Variants in CLK2 observed in about 807,000 individuals in gnomAD.
CLK2 encodes the protein CDC like kinase 2, also known as dual specificity protein kinase CLK2.
A neutral mutation model predicts 73.5 loss-of-function variants in CLK2; 12 were observed. The observed-to-expected ratio is 0.16, with a 90% confidence interval of 0.10 to 0.26. CLK2 has a LOEUF of 0.26. Among genes scored for constraint, CLK2 ranks in the 10% least tolerant of loss-of-function variants. The pLI is 1.00. For synonymous variants in CLK2, 232 were observed against 237.9 expected (o/e 0.98, Z 0.23); for missense variants, 509 against 688.4 (o/e 0.74, Z 2.92).
At chr1:155,269,211 T>A (rs1429924306) in intron 3 of CLK2, 4 of 587,536 alleles carry the variant, frequency 6.8e-6, no homozygotes, top group African/African-American at 5.6e-5. Flanking sequence ...CATTAAAGAG[T>A]GGAGGCCGCT....
At position 155,263,170 on chromosome 1, in the gene CLK2, T is replaced by C; in HGVS notation, c.*48A>G. On this transcript the variant is annotated 3_prime_UTR_variant, in exon 13 of 13. Transcript: ENST00000368361. ...ATAAAAAAGCACCAGTGTCCTGGAC[T>C]GGACACCCACTGCTATAAAAGATGC... 6.4e-7 allele frequency: 1 copy of C among 1,561,232 alleles called. No individual in the cohort carries two copies. Among genetic ancestry groups the C allele is most frequent in the Non-Finnish European group, 8.7e-7 (1 of 1,151,728 alleles).
At chr1:155,269,076 C>T (rs1295468796) in intron 3 of CLK2, 1 of 589,500 alleles carries the variant, frequency 1.7e-6, no homozygotes, top group African/African-American at 1.9e-5. Flanking sequence ...CCCACAACCC[C>T]ATGCTCTACA....
chr1:155,268,186 G>T lies in CLK2; in HGVS notation c.555-60C>A. The T allele has an allele frequency of 6.4e-7, 1 of 1,556,864 alleles. No individual in the cohort carries two copies. Among genetic ancestry groups the T allele is most frequent in the Non-Finnish European group, 8.9e-7 (1 of 1,128,108 alleles). ...TCAAGAATGTCTCAAAATGAACAGG[G>T]CTGTAGGGGGACTAAGAAATTCTAC... On this transcript the variant is annotated intron_variant, in intron 5 of 12. Transcript: ENST00000368361. The surrounding 1 kb of genome is among the most constrained non-coding windows in gnomAD (Gnocchi z 5.6).
Position 155,264,250 on chromosome 1 carries a change from A to G in CLK2, c.1197T>C (p.Pro399=), listed in dbSNP as rs780143470. Residue 399 remains proline (P), a synonymous_variant, in exon 11 of 13, where the codon CCT becomes CCC. Transcript: ENST00000368361. ...TCTTTCGGATCATCCGGGAAGGGAT[A>G]GGACCCAAGATCCTTTCCATCATGG... is the stretch of plus-strand genomic sequence containing the variant. ...HLAMMERILG[P]IPSRMIRKTR... is the part of the protein sequence containing the mutation. 1.2e-6 allele frequency: 2 copies of G among 1,614,232 alleles called. No individual in the cohort carries two copies. The highest frequency in any genetic ancestry group is 2.2e-5 in the South Asian group (2 of 91,090).
rs777248821 is a variant in CLK2 at position 155,264,014 on chromosome 1, C to A, written c.1253G>T (p.Arg418Leu). 3 of 1,613,982 alleles carry A rather than the reference C, an allele frequency of 1.9e-6. No homozygotes were observed. Among genetic ancestry groups the A allele is most frequent in the South Asian group, 1.1e-5 (1 of 91,072 alleles). The stretch of plus-strand genomic sequence containing the variant: ...TGATGTGTTCTCATCCCAATCCAGG[C>A]GACCCCGGTAAAAATATTTCTGCTT... ...TRKQKYFYRG[R>L]LDWDENTSAG... Residue 418 changes from arginine to leucine, a missense_variant, in exon 12 of 13, where the codon CGC becomes CTC. Transcript: ENST00000368361.
chr1:155,268,410 AATGAG>A lies in CLK2; in HGVS notation c.488-56_488-52del. 1 of 1,519,190 alleles carries A rather than the reference AATGAG, an allele frequency of 6.6e-7. No individual in the cohort carries two copies. Among genetic ancestry groups the A allele is most frequent in the South Asian group, 1.1e-5 (1 of 88,938 alleles). The allele number at this position is 1,519,190 out of a possible 1,614,324, so 94.1% of individuals were successfully genotyped here. Reference sequence around the variant, plus strand: ...GGAGAGGGAGGGAGAGAAGGTGGGGAATGAGCTGAGTTGGAAGAAAAAAGGGGACA... The same window carrying A: ...GGAGAGGGAGGGAGAGAAGGTGGGGACTGAGTTGGAAGAAAAAAGGGGACA... On this transcript the variant is annotated intron_variant, in intron 4 of 12. Transcript: ENST00000368361. The surrounding 1 kb of genome is among the most constrained non-coding windows in gnomAD (Gnocchi z 5.6).
At position 155,268,558 on chromosome 1, in the gene CLK2, A is replaced by G; in HGVS notation, c.487+150T>C. 1 of 831,262 alleles carries G rather than the reference A, an allele frequency of 1.2e-6. No homozygotes were observed. The highest frequency in any genetic ancestry group is 2.0e-6 in the Non-Finnish European group (1 of 492,480). 51.5% of individuals were successfully genotyped at this position (831,262 alleles called of 1,614,324 possible). On this transcript the variant is annotated intron_variant, in intron 4 of 12. Coordinates refer to ENST00000368361, the MANE Select transcript of CLK2 (RefSeq NM_001294338.2). The surrounding 1 kb of genome is among the most constrained non-coding windows in gnomAD (Gnocchi z 5.6). ...GGGCCGTGAGAGCTGGGAGTGGACA[A>G]CAGAGGTCAATTCTCAACAGCAACT...
At position 155,268,660 on chromosome 1, in the gene CLK2, G is replaced by T; in HGVS notation, c.487+48C>A. 1 of 1,536,036 alleles carries T rather than the reference G, an allele frequency of 6.5e-7. No homozygotes were observed. Among genetic ancestry groups the T allele is most frequent in the African/African-American group, 1.4e-5 (1 of 73,472 alleles). ...CAGGTTGGCTTGGGACGTTAGGATG[G>T]CTATGGGACCATTACAGGCTATAGG... On this transcript the variant is annotated intron_variant, in intron 4 of 12. Coordinates refer to ENST00000368361, the MANE Select transcript of CLK2 (RefSeq NM_001294338.2). The surrounding 1 kb of genome is among the most constrained non-coding windows in gnomAD (Gnocchi z 5.6).
chr1:155,264,824 C>A, intron 8 of CLK2, 50 bp from the exon 9 acceptor site: 1 of 1,604,222 alleles, frequency 6.2e-7, no homozygotes, highest in South Asian at 1.1e-5. Flanking sequence ...GACTGAGATT[C>A]CACCAGTATT....
rs148772014 is a variant in CLK2 at position 155,265,123 on chromosome 1, G to A, written c.934-349C>T. 4.4e-3 allele frequency among the ~76,000 whole-genome samples: 663 copies of A among 152,258 alleles called. 7 individuals are homozygous for A. The highest frequency in any genetic ancestry group is 0.015 in the African/African-American group (613 of 41,538). On this transcript the variant is annotated intron_variant, in intron 8 of 12. Coordinates refer to ENST00000368361, the MANE Select transcript of CLK2 (RefSeq NM_001294338.2). ...AGCAAATGGGTTTTTCTGAAAAAAT[G>A]TAACATGTAGCAAAGGAGTTTCTCT...
rs569786284 is a variant in CLK2 at position 155,270,617 on chromosome 1, G to A, written c.170+191C>T. 9.2e-5 allele frequency among the ~76,000 whole-genome samples: 14 copies of A among 152,262 alleles called. No homozygotes were observed. The South Asian group carries it at 2.9e-3, about 32-fold the overall frequency. ...CACTCCAACCAAACGCACTGGGTACGTCCTCAGTTCCTCATTATGTATTCT... is the reference window on the plus strand; with the variant it reads ...CACTCCAACCAAACGCACTGGGTACATCCTCAGTTCCTCATTATGTATTCT... On this transcript the variant is annotated intron_variant, in intron 2 of 12. Coordinates refer to ENST00000368361, the MANE Select transcript of CLK2 (RefSeq NM_001294338.2).
At position 155,268,370 on chromosome 1, in the gene CLK2, A is replaced by G. The variant is rs1673330260; in HGVS notation, c.488-11T>C. 1 of 1,613,514 alleles carries G rather than the reference A, an allele frequency of 6.2e-7. No individual in the cohort carries two copies. Among genetic ancestry groups the G allele is most frequent in the Non-Finnish European group, 8.5e-7 (1 of 1,179,552 alleles). ...TGCTAACGATTTCATCTGAAATGAA[A>G]GAGAGCAGGGTCGGGGAGAGGGAGG... is the stretch of plus-strand genomic sequence containing the variant. On this transcript the variant is annotated splice_polypyrimidine_tract_variant and intron_variant, in intron 4 of 12. Transcript: ENST00000368361. The surrounding 1 kb of genome is among the most constrained non-coding windows in gnomAD (Gnocchi z 5.6).
chr1:155,271,028 C>G, intron 1 of CLK2, 51 bp from the exon 2 acceptor site: 1 of 1,579,262 alleles, frequency 6.3e-7, no homozygotes, highest in East Asian at 2.3e-5. Flanking sequence ...TTTCAGAAAT[C>G]TCCTCCAAGG....
chr1:155,269,447 G>A (rs1673388185), intron 3 of CLK2, 41 bp downstream of exon 3: 3 of 1,560,712 alleles, frequency 1.9e-6, no homozygotes, highest in Non-Finnish European at 2.6e-6. Flanking sequence ...TAGAGGGCCT[G>A]CAGAAGAGTG....
intron 7 of CLK2, among the ~76,000 whole-genome samples, chr1:155,266,376 A>G (rs1673233285): frequency 6.6e-6 from 1 of 152,222 alleles, no homozygotes; most frequent in South Asian, 2.1e-4. Context: ...CTCATCCCAG[A>G]CAAATGTAAG....
At chr1:155,265,739 G>T in intron 8 of CLK2, 121 bp downstream of exon 8, 1 of 765,528 alleles carries the variant, frequency 1.3e-6, no homozygotes, top group Non-Finnish European at 2.4e-6. Context: ...CCCAGTTGGA[G>T]CCAGACAGGG....
rs1323048370 is a variant in CLK2, at chr1:155,263,250, A to G, written c.1468T>C (p.Leu490=). Residue 490 remains leucine (L), a synonymous_variant, in exon 13 of 13, where the codon TTG becomes CTG. Coordinates refer to ENST00000368361, the MANE Select transcript of CLK2 (RefSeq NM_001294338.2). ...CTGATATCCCGACTGGAGTCCCACA[A>G]CTTGTTGGGCGGCTCAGCCCGAAGG... The part of the protein sequence containing the change: ...ARLRAEPPNK[L]WDSSRDISR 1.2e-6 allele frequency: 2 copies of G among 1,613,966 alleles called. No individual in the cohort carries two copies. Among genetic ancestry groups the G allele is most frequent in the Admixed American group, 1.7e-5 (1 of 60,022 alleles).
At chr1:155,269,778 G>T in intron 2 of CLK2, 62 bp from the exon 3 acceptor site, 1 of 1,459,614 alleles carries the variant, frequency 6.9e-7, no homozygotes, top group Non-Finnish European at 9.6e-7. Context: ...ACCATACCCT[G>T]TGACAAGGTC....
At chr1:155,266,057 C>G in intron 7 of CLK2, 103 bp from the exon 8 acceptor site, 1 of 777,656 alleles carries the variant, frequency 1.3e-6, no homozygotes, top group Non-Finnish European at 2.3e-6. Context: ...AGTGAGGAGA[C>G]AGGTCCAGAA....
Sources: allele counts gnomAD v4.1 joint callset (sites outside exome capture counted in the v4.1 genomes callset), GRCh38; gene constraint gnomAD v4.1.1; non-coding constraint Gnocchi (gnomAD v3.1); transcripts MANE v1.5; gene names NCBI Gene and HGNC (gene_info 2026-07-23, HGNC 2026-07-21).